PLEKHG5: variants seen among roughly 807,000 people sequenced by gnomAD.
PLEKHG5 encodes the protein pleckstrin homology domain-containing family G member 5.
Under a neutral mutation model 103.8 loss-of-function variants are expected in PLEKHG5, and 52 were observed. The observed-to-expected ratio is 0.50, with a 90% CI of 0.40 to 0.63. The LOEUF is 0.63. Among genes scored for constraint, PLEKHG5 ranks in the 30% least tolerant of loss-of-function variants. The pLI, the probability that PLEKHG5 is intolerant of heterozygous loss-of-function variation, is 0.00. For synonymous variants in PLEKHG5, 592 were observed against 575.5 expected (o/e 1.03, Z -0.41); for missense variants, 1,205 against 1,347.6 (o/e 0.89, Z 1.66).
Position 6,467,540 on chromosome 1 carries a change from C to G in PLEKHG5, c.*23G>C. 6.2e-7 allele frequency: 1 copy of G among 1,612,606 alleles called. No homozygotes were observed. Among genetic ancestry groups the G allele is most frequent in the Non-Finnish European group, 8.5e-7 (1 of 1,179,014 alleles). On this transcript the variant is annotated 3_prime_UTR_variant, in exon 21 of 21. Transcript: ENST00000377728. ...CTGTCTGCTGTCTCTTGGTCAATGGCACTCTTGGGGGCCTCCCTCTGCTCA... is the reference window on the plus strand; with the variant it reads ...CTGTCTGCTGTCTCTTGGTCAATGGGACTCTTGGGGGCCTCCCTCTGCTCA...
In PLEKHG5 at chr1:6,468,404, C is replaced by T. The variant is rs891527256; in HGVS notation, c.2432G>A (p.Arg811His). ...ELLPLGPVDG[R>H]SCSMDSAYGT... Reference sequence around the variant, plus strand: ...GTAGGCAGAGTCCATGGAGCAGGAGCGGCCGTCCACCGGACCCAGGGGCAG... The same window carrying T: ...GTAGGCAGAGTCCATGGAGCAGGAGTGGCCGTCCACCGGACCCAGGGGCAG... The change falls in exon 20 of 21, where the codon CGC (arginine) becomes CAC (histidine). Residue 811 changes from arginine to histidine, a missense_variant. Physicochemically the swap from Arg to His is conservative, Grantham distance 29 (BLOSUM62 0). Coordinates refer to ENST00000377728, the MANE Select transcript of PLEKHG5 (RefSeq NM_020631.6). 4.3e-6 allele frequency: 7 copies of T among 1,610,898 alleles called. No homozygotes were observed. The highest frequency in any genetic ancestry group is 4.0e-5 in the African/African-American group (3 of 74,862).
upstream of PLEKHG5, among the ~76,000 whole-genome samples, chr1:6,501,092 T>C (rs1645291868): frequency 6.6e-6 from 1 of 152,188 alleles, no homozygotes; most frequent in African/African-American, 2.4e-5. This position sits in a 1 kb window ranked among gnomAD's most constrained non-coding sequence, Gnocchi z 4.3. Context: ...TTCTGGCTTC[T>C]CTTGACAAAC....
chr1:6,497,074 T>A (rs1645236979), upstream of PLEKHG5: 1 of 1,487,774 alleles, frequency 6.7e-7, no homozygotes, highest in Non-Finnish European at 8.9e-7. The surrounding 1 kb of genome is among the most constrained non-coding windows in gnomAD (Gnocchi z 6.1). Flanking sequence ...CCTCTCTTCC[T>A]GGGGGCTGGA....
intron 20 of PLEKHG5, 85 bp downstream of exon 20, chr1:6,467,740 C>T: frequency 6.5e-7 from 1 of 1,544,250 alleles, no homozygotes; most frequent in Non-Finnish European, 8.9e-7. Context: ...CCATGACCCT[C>T]CCCAAATGCG....
Position 6,467,806 on chromosome 1 carries a change from C to G in PLEKHG5, c.3011+19G>C, listed in dbSNP as rs752326203. ...CAGTGCCCTGAGCCACCTGCCCTACCCCAGTCCAGGCCACTCACGAGGCAG... is the reference window on the plus strand; with the variant it reads ...CAGTGCCCTGAGCCACCTGCCCTACGCCAGTCCAGGCCACTCACGAGGCAG... On this transcript the variant is annotated intron_variant, in intron 20 of 20. Transcript: ENST00000377728. The G allele has an allele frequency of 1.2e-6, 2 of 1,612,504 alleles. No homozygotes were observed. The highest frequency in any genetic ancestry group is 1.7e-6 in the Non-Finnish European group (2 of 1,179,594).
chr1:6,511,536 G>A (rs1322465218), intron 1 of PLEKHG5, among the ~76,000 whole-genome samples: 2 of 152,196 alleles, frequency 1.3e-5, no homozygotes, highest in East Asian at 1.9e-4. Context: ...GATGCCCACC[G>A]CCCCCAAGAC....
intron 1 of PLEKHG5, among the ~76,000 whole-genome samples, chr1:6,508,955 C>T (rs997316652): frequency 4.6e-5 from 7 of 152,242 alleles, no homozygotes; most frequent in Non-Finnish European, 7.3e-5. Context: ...CTGCCCACCC[C>T]GCTCTAGGCC....
intron 1 of PLEKHG5, among the ~76,000 whole-genome samples, chr1:6,489,694 TG>T (rs1246940264): frequency 1.3e-5 from 2 of 152,182 alleles, no homozygotes; most frequent in African/African-American, 4.8e-5. Context: ...GGCACCTGCC[TG>T]GGCTTCAGAA....
chr1:6,506,252 T>C (rs6687998), intron 1 of PLEKHG5: 142,926 of 152,482 alleles, frequency 0.94, 67,688 homozygotes, highest in East Asian at 1. Context: ...GCGCAGGGGG[T>C]TTCAGGGACC....
At chr1:6,482,961 G>A (rs533188424) in intron 1 of PLEKHG5, among the ~76,000 whole-genome samples, 1 of 152,118 alleles carries the variant, frequency 6.6e-6, no homozygotes, top group Non-Finnish European at 1.5e-5. Flanking sequence ...CACCCACATC[G>A]GCCTCACCAA....
Position 6,468,054 on chromosome 1 carries a change from C to A in PLEKHG5, c.2782G>T (p.Asp928Tyr). ...CCAGGGCTAGGGGCCCCTCGGCAAT[C>A]CCAGCTGGGCCCAGCTTCCTGAGGG... Reference protein sequence around the residue: ...GSPQEAGPSWDCRGAPSPGSG... With the variant: ...GSPQEAGPSWYCRGAPSPGSG... Residue 928 changes from aspartate (D) to tyrosine (Y), a missense_variant, in exon 20 of 21, where the codon GAT becomes TAT. Physicochemically the swap from Asp to Tyr is radical, Grantham distance 160. Transcript: ENST00000377728. 6.4e-7 allele frequency: 1 copy of A among 1,566,928 alleles called. No individual in the cohort carries two copies.
At chr1:6,499,075 C>G (rs1645266967), upstream of PLEKHG5, among the ~76,000 whole-genome samples, 1 of 152,206 alleles carries the variant, frequency 6.6e-6, no homozygotes, top group African/African-American at 2.4e-5. Flanking sequence ...ACTTCTCCAG[C>G]TGAGCAGGAC....
At chr1:6,519,711 C>A (rs1638721332) in exon 1 of PLEKHG5, 4 of 627,618 alleles carry the variant, frequency 6.4e-6, no homozygotes, top group Non-Finnish European at 5.7e-6. Flanking sequence ...GCGCTCTCAG[C>A]CCTGCCAATT....
At chr1:6,477,799 C>T (rs991440608) in intron 1 of PLEKHG5, 141 bp from the exon 2 acceptor site, 9 of 765,172 alleles carry the variant, frequency 1.2e-5, no homozygotes, top group Middle Eastern at 3.7e-4. Context: ...GCAGTCCCCC[C>T]TCTCCCACAT....
Position 6,491,192 on chromosome 1 carries a change from A to C in PLEKHG5, c.-88+445T>G, listed in dbSNP as rs974226284. Among the ~76,000 whole-genome samples, 1 of 151,886 alleles carries C rather than the reference A, an allele frequency of 6.6e-6. No homozygotes were observed. On this transcript the variant is annotated intron_variant, in intron 1 of 20. Transcript: ENST00000377728. This position sits in a 1 kb window ranked among gnomAD's most constrained non-coding sequence, Gnocchi z 4.1. ...CCTCTCCCAGCAGCGGGAGTTTAGA[A>C]TAACTCTGGGCTCAGGACTGGGAAG...
upstream of PLEKHG5, among the ~76,000 whole-genome samples, chr1:6,492,417 CA>C (rs1435002052): frequency 9.2e-5 from 14 of 152,160 alleles, no homozygotes; most frequent in Admixed American, 9.2e-4. Flanking sequence ...CACAGGAGGG[CA>C]GGGGGAACCC....
intron 1 of PLEKHG5, among the ~76,000 whole-genome samples, chr1:6,482,998 G>A (rs374134827): frequency 2.6e-5 from 4 of 152,232 alleles, no homozygotes; most frequent in Middle Eastern, 3.4e-3. Flanking sequence ...CGTGAGCCAC[G>A]GCACCCAGAC....
At position 6,474,038 on chromosome 1, in the gene PLEKHG5, C is replaced by T. The variant is rs1404411924; in HGVS notation, c.566G>A (p.Ser189Asn). Residue 189 changes from serine (S) to asparagine (N), a missense_variant, in exon 7 of 21, where the codon AGC becomes AAC. Transcript: ENST00000377728. ...CAAGATGTCCAGGCTCTCCCGGCGG[C>T]TCTGGGCGTCCACACGCTCCAGGGC... ...PPALERVDAQ[S>N]RRESLDILAP... 5 of 1,580,362 alleles carry T rather than the reference C, an allele frequency of 3.2e-6. No individual in the cohort carries two copies. The highest frequency in any genetic ancestry group is 4.3e-6 in the Non-Finnish European group (5 of 1,162,174).
intron 1 of PLEKHG5, among the ~76,000 whole-genome samples, chr1:6,512,490 C>T (rs1394430523): frequency 6.6e-6 from 1 of 152,184 alleles, no homozygotes; most frequent in Non-Finnish European, 1.5e-5. Context: ...GACAGTGGGG[C>T]CCTCAGGCCC....
Sources: gnomAD v4.1 joint callset for allele counts (sites outside exome capture counted in the v4.1 genomes callset) on GRCh38, gnomAD v4.1.1 for gene constraint, Gnocchi (gnomAD v3.1) non-coding constraint, MANE v1.5 for transcripts, NCBI Gene and HGNC (gene_info 2026-07-23, HGNC 2026-07-21) for gene names.